Variants in TRAPPC3 observed in about 807,000 individuals in gnomAD.
TRAPPC3 encodes trafficking protein particle complex subunit 3.
A neutral mutation model predicts 18.2 loss-of-function variants in TRAPPC3; 5 were observed. The ratio of observed to expected loss-of-function variants is 0.28; its 90% confidence interval spans 0.14 to 0.58. TRAPPC3 has a LOEUF of 0.58. Among genes scored for constraint, TRAPPC3 ranks in the 20% least tolerant of loss-of-function variants. The probability of loss-of-function intolerance (pLI) is 0.91; values close to 1 mark genes in which losing one functional copy is unlikely to be tolerated. For synonymous variants in TRAPPC3, 65 were observed against 84.2 expected (o/e 0.77, Z 1.25); for missense variants, 176 against 225.9 (o/e 0.78, Z 1.41).
At chr1:36,140,487 G>A (rs543347869) in intron 1 of TRAPPC3, 1 of 246,014 alleles carries the variant, frequency 4.1e-6, no homozygotes, top group Non-Finnish European at 7.7e-6. Flanking sequence ...CCAGAATCTG[G>A]TATGGGAGCA....
At chr1:36,141,520 GAAT>G (rs1644107274) in intron 1 of TRAPPC3, among the ~76,000 whole-genome samples, 4 of 152,138 alleles carry the variant, frequency 2.6e-5, no homozygotes, top group African/African-American at 9.7e-5. Context: ...GGCACTACAA[GAAT>G]AATAATTTGA....
chr1:36,153,174 T>C (rs1421039204), upstream of TRAPPC3, among the ~76,000 whole-genome samples: 1 of 152,214 alleles, frequency 6.6e-6, no homozygotes, highest in Non-Finnish European at 1.5e-5. Context: ...TTTCAGCAAG[T>C]ACCCTACTTG....
At chr1:36,145,107 T>A (rs1418366167) in intron 1 of TRAPPC3, among the ~76,000 whole-genome samples, 1 of 152,020 alleles carries the variant, frequency 6.6e-6, no homozygotes, top group African/African-American at 2.4e-5. Flanking sequence ...CTGCAAGCTC[T>A]GCCTCCCGGG....
At chr1:36,146,530 C>T (rs1022480795) in intron 1 of TRAPPC3, among the ~76,000 whole-genome samples, 2 of 150,006 alleles carry the variant, frequency 1.3e-5, no homozygotes, top group African/African-American at 2.5e-5. Context: ...GTGATCTGCC[C>T]GCCTTGGCCT....
At position 36,149,460 on chromosome 1, in the gene TRAPPC3, C is replaced by T; in HGVS notation, c.-82G>A. 4 of 1,557,960 alleles carry T rather than the reference C, an allele frequency of 2.6e-6. No individual in the cohort carries two copies. The highest frequency in any genetic ancestry group is 1.4e-5 in the African/African-American group (1 of 73,764). Reference sequence around the variant, plus strand: ...AGACGCCGGAGCCTAAGCCGCTGCCCCTCAGCCCACAAGACCGACCGGCAC... The same window carrying T: ...AGACGCCGGAGCCTAAGCCGCTGCCTCTCAGCCCACAAGACCGACCGGCAC... On this transcript the variant is annotated 5_prime_UTR_variant, in exon 1 of 5. Coordinates refer to ENST00000373166, the MANE Select transcript of TRAPPC3 (RefSeq NM_014408.5).
chr1:36,137,595 C>G (rs1045976833), intron 4 of TRAPPC3: 1 of 658,022 alleles, frequency 1.5e-6, no homozygotes, highest in African/African-American at 1.8e-5. Flanking sequence ...CTGACAGCAC[C>G]ACCTTCCACC....
chr1:36,147,800 T>C (rs186888039), intron 1 of TRAPPC3, among the ~76,000 whole-genome samples: 1 of 152,172 alleles, frequency 6.6e-6, no homozygotes, highest in African/African-American at 2.4e-5. Context: ...CCAAGAGCCT[T>C]GAGGGCAGGA....
intron 1 of TRAPPC3, among the ~76,000 whole-genome samples, chr1:36,144,368 G>T (rs1451621002): frequency 6.6e-6 from 1 of 150,628 alleles, no homozygotes; most frequent in East Asian, 2.0e-4. Flanking sequence ...TTTCTGGCTG[G>T]GCATGGTGGC....
intron 3 of TRAPPC3, chr1:36,139,438 G>T (rs748098968): frequency 1.5e-5 from 5 of 327,356 alleles, no homozygotes; most frequent in Non-Finnish European, 2.9e-5. Flanking sequence ...TTACAGATGT[G>T]AGCCACCACG....
intron 3 of TRAPPC3, chr1:36,138,287 G>A: frequency 6.5e-7 from 1 of 1,533,282 alleles, no homozygotes; most frequent in Non-Finnish European, 8.7e-7. Flanking sequence ...GTACTTCTCA[G>A]TGGAAGGGAG....
In TRAPPC3 at chr1:36,137,238, G is replaced by A. The variant is rs1025048676; in HGVS notation, c.508C>T (p.Arg170Trp). ...CCAGCTGGAAGATTGTCCTCAATCCGCCTGATGAATCTCATCCGGATTTCT... is the reference window on the plus strand; with the variant it reads ...CCAGCTGGAAGATTGTCCTCAATCCACCTGATGAATCTCATCCGGATTTCT... ...VTEIRMRFIRRIEDNLPAGEE is the reference protein window; with the variant it reads ...VTEIRMRFIRWIEDNLPAGEE The change falls in exon 5 of 5, where the codon CGG (arginine) becomes TGG (tryptophan). Residue 170 changes from arginine to tryptophan, a missense_variant. Physicochemically the swap from Arg to Trp is moderately radical, Grantham distance 101 (BLOSUM62 -3). This residue lies in a region of TRAPPC3 where 29 missense variants were observed against 61.5 expected (regional missense o/e 0.47). Coordinates refer to ENST00000373166, the MANE Select transcript of TRAPPC3 (RefSeq NM_014408.5). 5.0e-6 allele frequency: 8 copies of A among 1,612,678 alleles called. No individual in the cohort carries two copies. The Admixed American group carries it at 5.0e-5, about 10-fold the overall frequency.
intron 1 of TRAPPC3, among the ~76,000 whole-genome samples, chr1:36,147,583 G>T (rs1008542403): frequency 3.3e-5 from 5 of 151,972 alleles, no homozygotes; most frequent in African/African-American, 4.8e-5. Context: ...GGTCAGGCTG[G>T]ATGAGCCTCA....
intron 3 of TRAPPC3, among the ~76,000 whole-genome samples, chr1:36,139,060 A>G (rs1188871022): frequency 1.3e-5 from 2 of 151,842 alleles, no homozygotes; most frequent in Non-Finnish European, 2.9e-5. Flanking sequence ...AAAGAAAAAA[A>G]AAAAAAGATG....
intron 1 of TRAPPC3, chr1:36,155,873 C>CG (rs1331645617): frequency 1.3e-5 from 2 of 152,306 alleles, no homozygotes; most frequent in Non-Finnish European, 2.9e-5. Context: ...GTCACCCGAG[C>CG]GCTCCCTACT....
At chr1:36,150,648 C>T (rs535358727), upstream of TRAPPC3, among the ~76,000 whole-genome samples, 480 of 152,360 alleles carry the variant, frequency 3.2e-3, 6 homozygotes, top group Middle Eastern at 3.4e-3. Context: ...GTCCCTCCCT[C>T]AGGGTGCAGG....
upstream of TRAPPC3, among the ~76,000 whole-genome samples, chr1:36,153,279 G>A (rs1485982984): frequency 6.6e-6 from 1 of 152,168 alleles, no homozygotes; most frequent in Non-Finnish European, 1.5e-5. Flanking sequence ...GGTTGCTGGG[G>A]CCTGGAATCT....
intron 1 of TRAPPC3, among the ~76,000 whole-genome samples, chr1:36,146,574 G>A (rs941333284): frequency 1.6e-5 from 2 of 121,416 alleles, no homozygotes; most frequent in East Asian, 2.8e-4. Flanking sequence ...ATGAGCCACC[G>A]CACCCAGCCT....
intron 1 of TRAPPC3, among the ~76,000 whole-genome samples, chr1:36,147,157 C>A (rs1338062644): frequency 6.6e-6 from 1 of 151,564 alleles, no homozygotes; most frequent in African/African-American, 2.4e-5. Context: ...TTGAGACCAA[C>A]CTGGGAATAC....
intron 1 of TRAPPC3, among the ~76,000 whole-genome samples, chr1:36,144,506 T>C (rs1226307894): frequency 6.6e-6 from 1 of 151,856 alleles, no homozygotes; most frequent in Non-Finnish European, 1.5e-5. Flanking sequence ...TAGAACAAAT[T>C]AGCTGGGCAT....
Sources: gnomAD v4.1 joint callset for allele counts (sites outside exome capture counted in the v4.1 genomes callset) on GRCh38, gnomAD v4.1.1 for gene constraint, gnomAD v4.1.1 regional missense constraint, MANE v1.5 for transcripts, NCBI Gene and HGNC (gene_info 2026-07-23, HGNC 2026-07-21) for gene names.